MYO9A: variants seen among roughly 807,000 people sequenced by gnomAD.
MYO9A encodes unconventional myosin-IXa.
In MYO9A, 103 loss-of-function variants were observed where a neutral mutation model predicts 293.3. The ratio of observed to expected loss-of-function variants is 0.35; its 90% CI spans 0.30 to 0.41. The LOEUF is 0.41. Among genes scored for constraint, MYO9A ranks in the 10% least tolerant of loss-of-function variants. The pLI, the probability that MYO9A is intolerant of heterozygous loss-of-function variation, is 1.00. For missense variants in MYO9A, 2,685 were observed against 3,033.0 expected, an observed-to-expected ratio of 0.89 and a Z score of 2.69; for synonymous variants, 1,001 against 1,035.7, an observed-to-expected ratio of 0.97 and a Z score of 0.64.
chr15:71,965,292 T>C (rs2147175156), intron 13 of MYO9A, among the ~76,000 whole-genome samples: 1 of 152,184 alleles, frequency 6.6e-6, no homozygotes, highest in South Asian at 2.1e-4. Flanking sequence ...GCTTGTTCTG[T>C]TAGTTACTAA....
intron 3 of MYO9A, among the ~76,000 whole-genome samples, chr15:72,031,718 T>A (rs1311386891): frequency 2.0e-5 from 3 of 151,344 alleles, no homozygotes; most frequent in Non-Finnish European, 4.4e-5. Flanking sequence ...CTACCACTGC[T>A]CTAAAAAATA....
chr15:71,967,767 T>A (rs939162404), intron 13 of MYO9A, among the ~76,000 whole-genome samples: 20 of 152,184 alleles, frequency 1.3e-4, no homozygotes, highest in African/African-American at 4.8e-4. Context: ...ACTGACAACA[T>A]CAGGTTTATC....
intron 17 of MYO9A, chr15:71,935,003 T>C (rs1019081507): frequency 7.1e-5 from 12 of 169,868 alleles, no homozygotes; most frequent in Admixed American, 3.0e-4. Context: ...ATAGTAAAAA[T>C]TGGGAATCCT....
At chr15:72,034,765 T>C (rs2077991001) in intron 2 of MYO9A, among the ~76,000 whole-genome samples, 1 of 152,172 alleles carries the variant, frequency 6.6e-6, no homozygotes, top group South Asian at 2.1e-4. Flanking sequence ...AATAAAACCG[T>C]GGGCTTGGAG....
intron 6 of MYO9A, among the ~76,000 whole-genome samples, chr15:72,015,878 CG>C (rs1405310237): frequency 6.6e-6 from 1 of 151,702 alleles, no homozygotes; most frequent in African/African-American, 2.4e-5. Flanking sequence ...TTAGTAGAGA[CG>C]GGGTTTCACC....
At chr15:71,863,540 G>T (rs868297440) in intron 32 of MYO9A, among the ~76,000 whole-genome samples, 2 of 152,188 alleles carry the variant, frequency 1.3e-5, no homozygotes, top group Admixed American at 6.5e-5. Context: ...AAGACACCTG[G>T]ATTCTCACAT....
At chr15:72,074,326 G>A (rs34638996) in intron 1 of MYO9A, among the ~76,000 whole-genome samples, 1,690 of 151,656 alleles carry the variant, frequency 0.011, 15 homozygotes, top group Non-Finnish European at 0.018. Context: ...AGGTCACAAG[G>A]GAGAATCACT....
chr15:72,007,580 G>A (rs1024294424), intron 8 of MYO9A, among the ~76,000 whole-genome samples: 1 of 152,096 alleles, frequency 6.6e-6, no homozygotes, highest in African/African-American at 2.4e-5. Flanking sequence ...TAGGGACTAT[G>A]GATGTCTGGA....
In MYO9A at chr15:71,859,783, A is replaced by G; in HGVS notation, c.6105T>C (p.Ala2035=). 6.2e-7 allele frequency: 1 copy of G among 1,613,428 alleles called. No individual in the cohort carries two copies. ...RASVCKLCKY[A]CHKKCCLKTT... Reference sequence around the variant, plus strand: ...TTTTCAGACAGCACTTCTTATGGCAAGCATACTTGCATACTGAAAAATAGG... The same window carrying G: ...TTTTCAGACAGCACTTCTTATGGCAGGCATACTTGCATACTGAAAAATAGG... The change falls in exon 34 of 42, where the codon GCT becomes GCC. Residue 2035 remains alanine (A), a synonymous_variant. Coordinates refer to ENST00000356056, the MANE Select transcript of MYO9A (RefSeq NM_006901.4).
intron 18 of MYO9A, among the ~76,000 whole-genome samples, chr15:71,918,382 GAATT>G (rs1429175876): frequency 6.6e-6 from 1 of 151,782 alleles, no homozygotes; most frequent in African/African-American, 2.4e-5. Flanking sequence ...CAATTATATA[GAATT>G]ATTTATATAA....
At chr15:72,085,370 C>A (rs564015543) in intron 1 of MYO9A, among the ~76,000 whole-genome samples, 2 of 147,140 alleles carry the variant, frequency 1.4e-5, no homozygotes, top group Non-Finnish European at 3.0e-5. Flanking sequence ...TCCAGCCTGG[C>A]GACAGAGTGA....
chr15:72,079,670 G>A (rs915122076), intron 1 of MYO9A, among the ~76,000 whole-genome samples: 1 of 152,124 alleles, frequency 6.6e-6, no homozygotes, highest in African/African-American at 2.4e-5. Context: ...GGGAATGAAA[G>A]GAAAAGATGG....
chr15:72,059,589 G>C (rs1448173718), intron 1 of MYO9A, among the ~76,000 whole-genome samples: 2 of 152,142 alleles, frequency 1.3e-5, no homozygotes, highest in Admixed American at 1.3e-4. Context: ...CTTACTAAAA[G>C]AAAAGAGGTT....
At chr15:72,103,860 C>G (rs1052883209) in intron 1 of MYO9A, among the ~76,000 whole-genome samples, 3 of 152,160 alleles carry the variant, frequency 2.0e-5, no homozygotes, top group Non-Finnish European at 4.4e-5. Context: ...ACTACCTCCA[C>G]TGAGGGGGGA....
chr15:71,842,703 CA>C lies in MYO9A; in HGVS notation c.6837+6141del, dbSNP rs35047132. 4.5e-3 allele frequency among the ~76,000 whole-genome samples: 681 copies of C among 151,352 alleles called. 3 individuals are homozygous for C. Among genetic ancestry groups the C allele is most frequent in the Non-Finnish European group, 7.8e-3 (531 of 67,768 alleles). On this transcript the variant is annotated intron_variant, in intron 39 of 41. Coordinates refer to ENST00000356056, the MANE Select transcript of MYO9A (RefSeq NM_006901.4). ...TGAAACCCCGTCTTTACCAAAAATA[CA>C]AAAAAATCAGCCGGGCGTGGTGGCG... is the stretch of plus-strand genomic sequence containing the variant.
chr15:71,909,025 T>C (rs1475508433), intron 19 of MYO9A, among the ~76,000 whole-genome samples: 2 of 152,208 alleles, frequency 1.3e-5, no homozygotes, highest in South Asian at 2.1e-4. Context: ...CCTTTTCATA[T>C]TGGCTTCTTT....
chr15:72,032,774 T>C (rs2077915760), intron 2 of MYO9A, among the ~76,000 whole-genome samples, 186 bp from the exon 3 acceptor site: 2 of 152,248 alleles, frequency 1.3e-5, no homozygotes, highest in East Asian at 1.9e-4. Flanking sequence ...AAAAAGCAAT[T>C]AACAACTGAA....
chr15:71,925,267 ATATATACATATACGTATACACGTG>A (rs2058271923), intron 18 of MYO9A, among the ~76,000 whole-genome samples: 1 of 150,626 alleles, frequency 6.6e-6, no homozygotes, highest in African/African-American at 2.4e-5. Context: ...ACATATATAC[ATATATACATATACGTATACACGTG>A]TATGTACATA....
chr15:71,848,812 C>A, intron 39 of MYO9A, 33 bp downstream of exon 39: 1 of 1,575,432 alleles, frequency 6.3e-7, no homozygotes, highest in Non-Finnish European at 8.6e-7. Context: ...AGACAACTCC[C>A]ATTTTTCCAC....
Sources: gnomAD v4.1 joint callset for allele counts (sites outside exome capture counted in the v4.1 genomes callset) on GRCh38, gnomAD v4.1.1 for gene constraint, MANE v1.5 for transcripts, NCBI Gene and HGNC (gene_info 2026-07-23, HGNC 2026-07-21) for gene names.